RAB33B: variants seen among roughly 807,000 people sequenced by gnomAD.
RAB33B encodes RAB33B, member RAS oncogene family.
In RAB33B, 6 loss-of-function variants were observed where a neutral mutation model predicts 15.0. The ratio of observed to expected loss-of-function variants is 0.40; its 90% CI spans 0.22 to 0.79. RAB33B has a LOEUF of 0.79. Ranked by LOEUF, RAB33B falls within the 30% of genes least tolerant of loss-of-function variation. The probability of loss-of-function intolerance (pLI) is 0.37; values close to 1 mark genes in which losing one functional copy is unlikely to be tolerated. For synonymous variants in RAB33B, 117 were observed against 108.3 expected (o/e 1.08, Z -0.50); for missense variants, 257 against 296.4 (o/e 0.87, Z 0.98).
chr4:139,464,396 T>TG (rs1183731172), intron 1 of RAB33B, among the ~76,000 whole-genome samples: 85 of 145,502 alleles, frequency 5.8e-4, no homozygotes, highest in African/African-American at 1.5e-3. Context: ...GTTTTTTTTT[T>TG]TTTTTTTTTT....
chr4:139,462,979 A>G (rs1011818201), intron 1 of RAB33B, among the ~76,000 whole-genome samples: 1 of 152,272 alleles, frequency 6.6e-6, no homozygotes, highest in Non-Finnish European at 1.5e-5. Context: ...CAGCCTGGGT[A>G]ACATGGAGAA....
rs571192115 is a variant in RAB33B, at chr4:139,461,917, T to A, written c.249+7473T>A. On this transcript the variant is annotated intron_variant, in intron 1 of 1. Transcript: ENST00000305626. ...AGCCTCCATCTCAAAAAAAAAAAAA[T>A]TTCATATATACGTATAATTCCTTTA... 3.4e-3 allele frequency among the ~76,000 whole-genome samples: 514 copies of A among 151,246 alleles called. 3 individuals carry two copies. The highest frequency in any genetic ancestry group is 8.1e-3 in the South Asian group (38 of 4,720).
chr4:139,457,841 A>T (rs897413584), intron 1 of RAB33B, among the ~76,000 whole-genome samples: 3 of 152,186 alleles, frequency 2.0e-5, no homozygotes, highest in African/African-American at 7.2e-5. Flanking sequence ...AGGTTGTACT[A>T]CTTTAATCCT....
chr4:139,451,363 C>CTTTTTTTTTT (rs901731114), upstream of RAB33B: 16 of 108,662 alleles, frequency 1.5e-4, no homozygotes, highest in East Asian at 1.3e-3. Flanking sequence ...ACCACACCCA[C>CTTTTTTTTTT]TTTTTTTTTT....
chr4:139,460,926 CTT>C (rs934437133), intron 1 of RAB33B, among the ~76,000 whole-genome samples: 2 of 152,210 alleles, frequency 1.3e-5, no homozygotes, highest in Non-Finnish European at 2.9e-5. Context: ...CTATGATTCT[CTT>C]CTGTCACTTC....
chr4:139,467,308 C>CTTT lies in RAB33B; in HGVS notation c.250-5351_250-5349dup, dbSNP rs70943422. ...TCTTTCCCCACCACGCCCCCCGCCG[C>CTTT]TTTTTTTTTTTTTTTTTTTTTTTTT... On this transcript the variant is annotated intron_variant, in intron 1 of 1. Coordinates refer to ENST00000305626, the MANE Select transcript of RAB33B (RefSeq NM_031296.3). Among the ~76,000 whole-genome samples, 152 of 17,614 alleles carry CTTT rather than the reference C, an allele frequency of 8.6e-3. 36 individuals are homozygous for CTTT. The highest frequency in any genetic ancestry group is 0.12 in the Middle Eastern group (1 of 8). The allele number at this position is 17,614 out of a possible 152,430, so 11.6% of individuals were successfully genotyped here.
At chr4:139,456,653 G>A (rs1355297709) in intron 1 of RAB33B, among the ~76,000 whole-genome samples, 1 of 152,190 alleles carries the variant, frequency 6.6e-6, no homozygotes, top group African/African-American at 2.4e-5. Flanking sequence ...ATATGGACTT[G>A]AATACTGAGA....
intron 1 of RAB33B, among the ~76,000 whole-genome samples, chr4:139,463,119 T>C (rs1750204986): frequency 1.3e-5 from 2 of 152,310 alleles, no homozygotes; most frequent in South Asian, 2.1e-4. Flanking sequence ...TGAGCCAAGA[T>C]TGTGCCACTG....
intron 1 of RAB33B, among the ~76,000 whole-genome samples, chr4:139,463,718 T>G (rs1358117717): frequency 1.1e-4 from 16 of 152,206 alleles, no homozygotes. Flanking sequence ...GTCTGTCTCC[T>G]TCAAAGTTTT....
Position 139,476,095 on chromosome 4 carries a change from A to G in RAB33B, c.*2969A>G, listed in dbSNP as rs1395748416. The G allele has an allele frequency of 6.6e-6, 1 of 152,214 alleles. No homozygotes were observed. The highest frequency in any genetic ancestry group is 1.5e-5 in the Non-Finnish European group (1 of 68,032). The allele number at this position is 152,214 out of a possible 1,614,324, so 9.4% of individuals were successfully genotyped here. A position where few individuals can be genotyped will look rare whatever the true frequency, so the allele number is the denominator to read the frequency against. Reference sequence around the variant, plus strand: ...ATTTGAGGTCAAAGAACACTTCAGGAAAAAAACTCAACAAAGTATTAAAAT... The same window carrying G: ...ATTTGAGGTCAAAGAACACTTCAGGGAAAAAACTCAACAAAGTATTAAAAT... On this transcript the variant is annotated 3_prime_UTR_variant, in exon 2 of 2. Coordinates refer to ENST00000305626, the MANE Select transcript of RAB33B (RefSeq NM_031296.3).
chr4:139,473,843 C>T lies in RAB33B; in HGVS notation c.*717C>T, dbSNP rs367570568. 1 of 150,548 alleles carries T rather than the reference C, an allele frequency of 6.6e-6. No homozygotes were observed. Among genetic ancestry groups the T allele is most frequent in the East Asian group, 1.9e-4 (1 of 5,144 alleles). The allele number at this position is 150,548 out of a possible 1,614,324, so 9.3% of individuals were successfully genotyped here. ...TAGATGTTTGATTTTCTAATTAATA[C>T]TTATCAGATCTACAAAAATCATTAT... is the stretch of plus-strand genomic sequence containing the variant. On this transcript the variant is annotated 3_prime_UTR_variant, in exon 2 of 2. Coordinates refer to ENST00000305626, the MANE Select transcript of RAB33B (RefSeq NM_031296.3).
upstream of RAB33B, chr4:139,453,510 T>A (rs1373575731): frequency 6.6e-6 from 1 of 152,348 alleles, no homozygotes; most frequent in Non-Finnish European, 1.5e-5. Context: ...GTCCCACCCA[T>A]CTAGCCCTGG....
Position 139,475,570 on chromosome 4 carries a change from C to T in RAB33B, c.*2444C>T, listed in dbSNP as rs1262275845. On this transcript the variant is annotated 3_prime_UTR_variant, in exon 2 of 2. Transcript: ENST00000305626. Reference sequence around the variant, plus strand: ...ATCTTAAAATATTTATAAAACATTTCACTGTTGCAAAATCACTTCCAAAAT... The same window carrying T: ...ATCTTAAAATATTTATAAAACATTTTACTGTTGCAAAATCACTTCCAAAAT... 1 of 151,880 alleles carries T rather than the reference C, an allele frequency of 6.6e-6. No homozygotes were observed. The highest frequency in any genetic ancestry group is 1.5e-5 in the Non-Finnish European group (1 of 67,886). The allele number at this position is 151,880 out of a possible 1,614,324, so 9.4% of individuals were successfully genotyped here. A position where few individuals can be genotyped will look rare whatever the true frequency, so the allele number is the denominator to read the frequency against.
chr4:139,438,605 T>C, the RAB33B span, among the ~76,000 whole-genome samples: 1 of 152,232 alleles, frequency 6.6e-6, no homozygotes, highest in African/African-American at 2.4e-5. Flanking sequence ...CCTTTTTTTT[T>C]TGGTCTGATG....
chr4:139,447,372 T>A, the RAB33B span, among the ~76,000 whole-genome samples: 1 of 152,148 alleles, frequency 6.6e-6, no homozygotes, highest in African/African-American at 2.4e-5. Flanking sequence ...GGTCCAGGAA[T>A]CAAGGGGTGG....
chr4:139,466,322 CATTGCTA>C (rs1231226842), intron 1 of RAB33B, among the ~76,000 whole-genome samples: 2 of 152,178 alleles, frequency 1.3e-5, no homozygotes, highest in African/African-American at 4.8e-5. Context: ...TGGAGACAAC[CATTGCTA>C]ATATTTTGGT....
the RAB33B span, among the ~76,000 whole-genome samples, chr4:139,444,894 T>TA: frequency 6.6e-6 from 1 of 152,144 alleles, no homozygotes; most frequent in Non-Finnish European, 1.5e-5. Context: ...TGCCTCTACC[T>TA]AGAAAAATAG....
chr4:139,471,936 A>C (rs1193855931), intron 1 of RAB33B, among the ~76,000 whole-genome samples: 2 of 152,212 alleles, frequency 1.3e-5, no homozygotes, highest in Non-Finnish European at 2.9e-5. Flanking sequence ...CATGTTGTCC[A>C]GCACTATTTA....
Position 139,472,747 on chromosome 4 carries a change from A to G in RAB33B, c.311A>G (p.Tyr104Cys), listed in dbSNP as rs774986521. 1 of 1,614,006 alleles carries G rather than the reference A, an allele frequency of 6.2e-7. No homozygotes were observed. The highest frequency in any genetic ancestry group is 8.5e-7 in the Non-Finnish European group (1 of 1,179,832). Reference protein sequence around the residue: ...RFRKSMVQHYYRNVHAVVFVY... With the variant: ...RFRKSMVQHYCRNVHAVVFVY... ...AGAAAGAGCATGGTTCAGCACTACT[A>G]CAGAAATGTACATGCTGTTGTCTTC... The change falls in exon 2 of 2, where the codon TAC becomes TGC. Residue 104 changes from tyrosine to cysteine, a missense_variant. Transcript: ENST00000305626.
Sources: allele counts gnomAD v4.1 joint callset (sites outside exome capture counted in the v4.1 genomes callset), GRCh38; gene constraint gnomAD v4.1.1; transcripts MANE v1.5; gene names NCBI Gene and HGNC (gene_info 2026-07-23, HGNC 2026-07-21).